The following PUDP variants were observed in gnomAD, a reference collection of about 807,000 sequenced individuals.
PUDP encodes pseudouridine 5'-phosphatase, also known as pseudouridine-5'-phosphatase.
A neutral mutation model predicts 9.4 loss-of-function variants in PUDP; 8 were observed. That is an observed-to-expected ratio of 0.85 (90% CI 0.50 to 1.53). The LOEUF is 1.53. Ranked by LOEUF, PUDP falls within the 40% of genes most tolerant of loss-of-function variation. PUDP has a pLI of 0.00. For synonymous variants in PUDP, 99 were observed against 80.7 expected, an observed-to-expected ratio of 1.23 and a Z score of -1.22; for missense variants, 188 against 189.7, an observed-to-expected ratio of 0.99 and a Z score of 0.05.
chrX:7,092,018 C>G (rs1432508344), intron 2 of PUDP, among the ~76,000 whole-genome samples: 1 of 112,573 alleles, frequency 8.9e-6, no homozygotes, highest in Admixed American at 9.4e-5. Context: ...AAAACCCAAT[C>G]TGAAGAAGGC....
intron 1 of PUDP, among the ~76,000 whole-genome samples, chrX:7,132,928 A>C (rs1257647526): frequency 8.9e-6 from 1 of 112,010 alleles, no homozygotes; most frequent in Non-Finnish European, 1.9e-5. Context: ...AAAGGTTCTC[A>C]GTAAATATTG....
chrX:6,821,262 T>C (rs112832182), intron 3 of PUDP, among the ~76,000 whole-genome samples: 3,191 of 111,446 alleles, frequency 0.029, 118 homozygotes, highest in African/African-American at 0.097. Flanking sequence ...CGGGACTCTA[T>C]AAGTGAAGAC....
chrX:6,851,546 A>G (rs904814252), intron 3 of PUDP, among the ~76,000 whole-genome samples: 1 of 111,794 alleles, frequency 8.9e-6, no homozygotes, highest in Non-Finnish European at 1.9e-5. Context: ...ATGCATATAC[A>G]ATAAACCTTA....
At chrX:6,738,781 A>C (rs1378557683) in intron 3 of PUDP, among the ~76,000 whole-genome samples, 1 of 111,407 alleles carries the variant, frequency 9.0e-6, no homozygotes, top group African/African-American at 3.3e-5. Flanking sequence ...AACCTACCCC[A>C]AACCCTCAAA....
intron 3 of PUDP, among the ~76,000 whole-genome samples, chrX:6,922,152 C>CA (rs1204222973): frequency 9.2e-6 from 1 of 109,126 alleles, no homozygotes; most frequent in African/African-American, 3.3e-5. Flanking sequence ...TTAATAGCTA[C>CA]AAAAAAATAG....
chrX:6,938,917 T>C (rs1325663115), intron 3 of PUDP, among the ~76,000 whole-genome samples: 1 of 110,117 alleles, frequency 9.1e-6, no homozygotes, highest in African/African-American at 3.3e-5. Flanking sequence ...ATGTCCCAGA[T>C]AATTGGTAAT....
In PUDP at chrX:6,903,956, A is replaced by ATT. The variant is rs1372930172; in HGVS notation, c.*247+73175_*247+73176dup. On this transcript the variant is annotated intron_variant and NMD_transcript_variant, in intron 3 of 3. Transcript: ENST00000655425. ...AAGTTTAAAAAATATATATATATTT[A>ATT]TTTTTTTTTTTTTGAGATGGAGTCT... Among the ~76,000 whole-genome samples, 32 of 96,911 alleles carry ATT rather than the reference A, an allele frequency of 3.3e-4. No individual in the cohort carries two copies. In the East Asian group the frequency reaches 6.4e-3, roughly 19 times the overall value. The allele number at this position is 96,911 out of a possible 115,157, so 84.2% of individuals were successfully genotyped here.
At chrX:7,065,139 G>GC (rs953460458) in intron 3 of PUDP, among the ~76,000 whole-genome samples, 1 of 111,077 alleles carries the variant, frequency 9.0e-6, no homozygotes, top group African/African-American at 3.3e-5. Flanking sequence ...TCCCACCTCA[G>GC]CCCCCCTGCC....
Position 6,740,842 on chromosome X carries a change from G to T in PUDP, c.*248-34376C>A, listed in dbSNP as rs146509467. Among the ~76,000 whole-genome samples, 218 of 111,865 alleles carry T rather than the reference G, an allele frequency of 1.9e-3. 1 individual carries two copies. The highest frequency in any genetic ancestry group is 6.7e-3 in the African/African-American group (206 of 30,629). On this transcript the variant is annotated intron_variant and NMD_transcript_variant, in intron 3 of 3. Coordinates refer to the PUDP transcript ENST00000655425. ...ACAATAAACTTACATGCACTTGATA[G>T]AATAATTGCCATTTTAATTTAAAAA...
intron 3 of PUDP, among the ~76,000 whole-genome samples, chrX:6,735,282 G>A (rs1334860308): frequency 9.0e-6 from 1 of 110,817 alleles, no homozygotes; most frequent in Non-Finnish European, 1.9e-5. Flanking sequence ...GTAGTGTTGG[G>A]CTGAGACCAT....
chrX:6,853,407 G>A (rs367894175), intron 3 of PUDP, among the ~76,000 whole-genome samples: 1 of 109,475 alleles, frequency 9.1e-6, no homozygotes, highest in Non-Finnish European at 1.9e-5. Context: ...TCCATGAACA[G>A]TAAGTGGTCT....
upstream of PUDP, among the ~76,000 whole-genome samples, chrX:6,724,364 T>C (rs149223284): frequency 0.01 from 1,123 of 110,913 alleles, 14 homozygotes; most frequent in African/African-American, 0.034. Flanking sequence ...TTATACTTCA[T>C]AAAACTTATG....
At chrX:6,965,616 A>G (rs1928771113) in intron 3 of PUDP, among the ~76,000 whole-genome samples, 1 of 112,290 alleles carries the variant, frequency 8.9e-6, no homozygotes, top group Non-Finnish European at 1.9e-5. Context: ...AGCCAGCTGC[A>G]TAGTATACAC....
At chrX:6,774,303 A>G (rs866930306) in intron 3 of PUDP, among the ~76,000 whole-genome samples, 22 of 112,230 alleles carry the variant, frequency 2.0e-4, no homozygotes, top group Non-Finnish European at 3.4e-4. Flanking sequence ...ATTATTTCCT[A>G]GACACAGCCA....
At chrX:7,128,483 T>C (rs951812559) in intron 1 of PUDP, among the ~76,000 whole-genome samples, 8 of 111,950 alleles carry the variant, frequency 7.1e-5, no homozygotes, top group Non-Finnish European at 1.5e-4. Flanking sequence ...CCTACAGCAA[T>C]ACTAAGCACC....
chrX:6,751,837 A>G (rs1057389207), intron 3 of PUDP, among the ~76,000 whole-genome samples: 1 of 111,160 alleles, frequency 9.0e-6, no homozygotes, highest in Non-Finnish European at 1.9e-5. Flanking sequence ...AAGCAGAAGA[A>G]CGATTGGTGT....
rs938368369 is a variant in PUDP at position 6,708,977 on chromosome X, T to C, written n.129-2511A>G. 8.0e-5 allele frequency among the ~76,000 whole-genome samples: 9 copies of C among 112,148 alleles called. No homozygotes were observed. In the East Asian group the frequency reaches 1.7e-3, roughly 21 times the overall value. The stretch of plus-strand genomic sequence containing the variant: ...AGCCACCTGTGCTCACAGGTATATA[T>C]ATTGAACACACTTCTAAGCAAGACA... On this transcript the variant is annotated intron_variant and non_coding_transcript_variant, in intron 1 of 2. Transcript: ENST00000438499.
upstream of PUDP, among the ~76,000 whole-genome samples, chrX:6,726,417 G>C (rs1191545324): frequency 9.0e-6 from 1 of 111,292 alleles, no homozygotes; most frequent in African/African-American, 3.3e-5. Context: ...CAGAAAACTA[G>C]AAGAGAGGAT....
intron 2 of PUDP, 130 bp downstream of exon 2, chrX:7,105,490 A>G: frequency 2.2e-6 from 1 of 455,239 alleles, no homozygotes; most frequent in Non-Finnish European, 3.7e-6. Context: ...GAGCACCAGG[A>G]GGGACTTAGT....
Sources: allele counts gnomAD v4.1 joint callset (sites outside exome capture counted in the v4.1 genomes callset), GRCh38; gene constraint gnomAD v4.1.1; transcripts MANE v1.5; gene names NCBI Gene and HGNC (gene_info 2026-07-23, HGNC 2026-07-21).